The following BICDL1 variants were observed in gnomAD, a reference collection of about 807,000 sequenced individuals.
BICDL1 encodes BICD family like cargo adaptor 1.
Under a neutral mutation model 76.8 loss-of-function variants are expected in BICDL1, and 20 were observed. The observed-to-expected ratio is 0.26, with a 90% confidence interval of 0.18 to 0.38. The LOEUF is 0.38. Ranked by LOEUF, BICDL1 falls within the 10% of genes least tolerant of loss-of-function variation. The pLI is 1.00. For missense variants in BICDL1, 700 were observed against 798.6 expected, an observed-to-expected ratio of 0.88 and a Z score of 1.49; for synonymous variants, 383 against 337.1, an observed-to-expected ratio of 1.14 and a Z score of -1.49.
rs1253563980 is a variant in BICDL1, at chr12:120,022,159, A to G, written c.645+23423A>G. On this transcript the variant is annotated intron_variant, in intron 2 of 9. Coordinates refer to ENST00000548673, the MANE Select transcript of BICDL1 (RefSeq NM_001367886.1). ...CTGGGTTGGAGGAACAAGTTAATTGACTTAATGAGGAAGCCATGTCAGATA... is the reference window on the plus strand; with the variant it reads ...CTGGGTTGGAGGAACAAGTTAATTGGCTTAATGAGGAAGCCATGTCAGATA... Among the ~76,000 whole-genome samples, 3 of 150,386 alleles carry G rather than the reference A, an allele frequency of 2.0e-5. No homozygotes were observed. The East Asian group carries it at 5.8e-4, about 29-fold the overall frequency.
chr12:120,065,020 G>A, intron 4 of BICDL1, 141 bp downstream of exon 4: 1 of 882,664 alleles, frequency 1.1e-6, no homozygotes. Flanking sequence ...GTGGGGCCTG[G>A]GGCATTCACT....
chr12:120,014,982 A>C (rs1285055962), intron 2 of BICDL1, among the ~76,000 whole-genome samples: 2 of 152,212 alleles, frequency 1.3e-5, no homozygotes, highest in Non-Finnish European at 2.9e-5. Context: ...GTTATAGGTT[A>C]TGGACTTTTA....
chr12:120,058,387 G>A (rs977347432), intron 2 of BICDL1, among the ~76,000 whole-genome samples: 3 of 152,072 alleles, frequency 2.0e-5, no homozygotes, highest in Non-Finnish European at 2.9e-5. Flanking sequence ...TGCAGCCCTC[G>A]GTGCATCTCT....
At chr12:120,052,497 T>C (rs911628970) in intron 2 of BICDL1, among the ~76,000 whole-genome samples, 2 of 152,112 alleles carry the variant, frequency 1.3e-5, no homozygotes, top group Admixed American at 6.6e-5. Flanking sequence ...GGTTATTCAG[T>C]CTTGCCGAGA....
chr12:120,063,451 A>G (rs1158261917), intron 3 of BICDL1, among the ~76,000 whole-genome samples: 2 of 152,180 alleles, frequency 1.3e-5, no homozygotes, highest in African/African-American at 2.4e-5. Flanking sequence ...TGGCCAGAGA[A>G]GATCTGTGCC....
chr12:120,084,196 G>A (rs1415147308), intron 8 of BICDL1, among the ~76,000 whole-genome samples: 4 of 151,882 alleles, frequency 2.6e-5, no homozygotes, highest in Non-Finnish European at 5.9e-5. Context: ...TAGAGACAGG[G>A]TTTCACCGTG....
In BICDL1 at chr12:120,033,967, G is replaced by T. The variant is rs75356865; in HGVS notation, c.646-27743G>T. Among the ~76,000 whole-genome samples the T allele has an allele frequency of 1.8e-4, 28 of 152,274 alleles. 1 individual carries two copies. The East Asian group carries it at 5.4e-3, about 29-fold the overall frequency. On this transcript the variant is annotated intron_variant, in intron 2 of 9. Coordinates refer to ENST00000548673, the MANE Select transcript of BICDL1 (RefSeq NM_001367886.1). ...TTTTTTCTCCATATTGACAAGAAAA[G>T]TAATCTATGGAGTGTTCAGGCATTG...
intron 2 of BICDL1, among the ~76,000 whole-genome samples, chr12:120,001,286 G>A (rs750630701): frequency 1.1e-4 from 17 of 151,794 alleles, no homozygotes; most frequent in South Asian, 4.2e-4. Flanking sequence ...TTGCTTTGTC[G>A]CCCAGGCTGG....
At chr12:119,997,849 C>T (rs182239247) in intron 1 of BICDL1, among the ~76,000 whole-genome samples, 131 of 152,240 alleles carry the variant, frequency 8.6e-4, no homozygotes, top group African/African-American at 3.1e-3. Flanking sequence ...GGCACGGTGG[C>T]TCACACCTGT....
intron 2 of BICDL1, among the ~76,000 whole-genome samples, chr12:119,999,300 G>A (rs1951714984): frequency 6.6e-6 from 1 of 152,166 alleles, no homozygotes; most frequent in African/African-American, 2.4e-5. Context: ...TTAAAATGAA[G>A]GGGTTGTGCT....
intron 2 of BICDL1, among the ~76,000 whole-genome samples, chr12:120,028,824 C>T (rs1952362443): frequency 6.6e-6 from 1 of 152,016 alleles, no homozygotes; most frequent in Non-Finnish European, 1.5e-5. Context: ...CAAGTCTAGC[C>T]TGGACAACAT....
chr12:120,049,590 C>T (rs1952814348), intron 2 of BICDL1, among the ~76,000 whole-genome samples: 1 of 151,928 alleles, frequency 6.6e-6, no homozygotes, highest in African/African-American at 2.4e-5. Flanking sequence ...ATTTCTTCTG[C>T]TTTGTTTTCA....
Position 119,989,551 on chromosome 12 carries a change from G to A in BICDL1, c.-318G>A, listed in dbSNP as rs1951467453. Among the ~76,000 whole-genome samples, 1 of 150,350 alleles carries A rather than the reference G, an allele frequency of 6.7e-6. No individual in the cohort carries two copies. The highest frequency in any genetic ancestry group is 2.1e-4 in the South Asian group (1 of 4,812). On this transcript the variant is annotated 5_prime_UTR_variant, in exon 1 of 10. Transcript: ENST00000548673. ...TCGCTTCCTCCCCTCCCGCTTCGCC[G>A]ACCCTCAGTCTCTGTTCCTGAGTCC...
At chr12:120,084,709 G>C (rs1874258662) in intron 8 of BICDL1, among the ~76,000 whole-genome samples, 1 of 151,962 alleles carries the variant, frequency 6.6e-6, no homozygotes, top group Non-Finnish European at 1.5e-5. Flanking sequence ...GGCCAACATG[G>C]TGAAAGCCCG....
chr12:120,068,938 G>A (rs1566257088), intron 4 of BICDL1, among the ~76,000 whole-genome samples: 1 of 152,248 alleles, frequency 6.6e-6, no homozygotes, highest in African/African-American at 2.4e-5. Context: ...GGGTAGAGGG[G>A]GTGAAGTAGC....
rs1409867980 is a variant in BICDL1 at position 120,089,976 on chromosome 12, G to A, written c.1609G>A (p.Ala537Thr). The change falls in exon 9 of 10, where the codon GCC becomes ACC. Residue 537 changes from alanine (A) to threonine (T), a missense_variant. By Grantham distance (58) the Ala-to-Thr change is moderately conservative (BLOSUM62 0). Around this residue, in one of 3 missense-constraint regions of BICDL1, gnomAD observed 455 missense variants for 548.7 expected, o/e 0.83. Transcript: ENST00000548673. ...GAAGAATGCTGTGGAGCTGGAACTT[G>A]CCAAGTGCAGGATGGATATGATGTC... is the stretch of plus-strand genomic sequence containing the variant. ...AKKNAVELEL[A>T]KCRMDMMSLN... is the part of the protein sequence containing the mutation. 6.2e-7 allele frequency: 1 copy of A among 1,614,034 alleles called. No individual in the cohort carries two copies. The highest frequency in any genetic ancestry group is 8.5e-7 in the Non-Finnish European group (1 of 1,180,016).
chr12:120,090,736 C>T (rs1874884362), intron 9 of BICDL1: 4 of 414,814 alleles, frequency 9.6e-6, no homozygotes, highest in South Asian at 1.9e-5. Context: ...ACAAGGTAAG[C>T]CCCCCGTGGA....
chr12:120,006,056 C>G (rs1241985890), intron 2 of BICDL1, among the ~76,000 whole-genome samples: 2 of 152,120 alleles, frequency 1.3e-5, no homozygotes, highest in Non-Finnish European at 2.9e-5. Context: ...AGTGCAAAAC[C>G]TATCATTCTG....
chr12:120,033,445 C>T (rs765704063), intron 2 of BICDL1, among the ~76,000 whole-genome samples: 5 of 138,692 alleles, frequency 3.6e-5, no homozygotes, highest in Admixed American at 2.3e-4. Flanking sequence ...GGCATGATCT[C>T]GGCTCACTGC....
Sources: allele counts gnomAD v4.1 joint callset (sites outside exome capture counted in the v4.1 genomes callset), GRCh38; gene constraint gnomAD v4.1.1; regional missense constraint gnomAD v4.1.1; transcripts MANE v1.5; gene names NCBI Gene and HGNC (gene_info 2026-07-23, HGNC 2026-07-21).